CA5B: variants seen among roughly 807,000 people sequenced by gnomAD.
CA5B encodes the protein carbonic anhydrase 5B, also known as carbonic anhydrase 5B, mitochondrial.
A neutral mutation model predicts 23.1 loss-of-function variants in CA5B; 15 were observed. The observed-to-expected ratio is 0.65, with a 90% CI of 0.43 to 1.00. CA5B has a LOEUF of 1.00. CA5B is among the 50% of genes least tolerant of loss of function. The pLI, the probability that CA5B is intolerant of heterozygous loss-of-function variation, is 0.00. For missense variants in CA5B, 236 were observed against 252.2 expected, an observed-to-expected ratio of 0.94 and a Z score of 0.43; for synonymous variants, 84 against 98.5, an observed-to-expected ratio of 0.85 and a Z score of 0.87.
intron 2 of CA5B, among the ~76,000 whole-genome samples, chrX:15,763,585 G>A (rs1931647077): frequency 8.9e-6 from 1 of 111,931 alleles, no homozygotes; most frequent in Admixed American, 9.5e-5. Context: ...CTCTACTTTT[G>A]TGTATCCATT....
intron 3 of CA5B, among the ~76,000 whole-genome samples, chrX:15,769,275 G>C (rs1222866858): frequency 8.9e-6 from 1 of 111,888 alleles, no homozygotes; most frequent in East Asian, 2.8e-4. Context: ...TACCTACCTT[G>C]ATAGGATTAT....
intron 1 of CA5B, among the ~76,000 whole-genome samples, chrX:15,745,280 C>A (rs1931207815): frequency 9.0e-6 from 1 of 110,689 alleles, no homozygotes; most frequent in African/African-American, 3.3e-5. Flanking sequence ...ATCCCACTTA[C>A]GTGGGGTATC....
At chrX:15,758,032 A>G (rs1202922188) in intron 2 of CA5B, among the ~76,000 whole-genome samples, 1 of 111,613 alleles carries the variant, frequency 9.0e-6, no homozygotes, top group Non-Finnish European at 1.9e-5. Context: ...GAGGCTTTGT[A>G]TGAAGTCTGG....
intron 1 of CA5B, among the ~76,000 whole-genome samples, chrX:15,744,444 CT>C (rs1190049994): frequency 8.9e-6 from 1 of 112,452 alleles, no homozygotes; most frequent in African/African-American, 3.2e-5. Context: ...TTGGCCTTGT[CT>C]TATCACAAGC....
In CA5B at chrX:15,781,890, G is replaced by A. The variant is rs749251016; in HGVS notation, c.775-595G>A. ...GATCACACCACTGCATTCTAACCTG[G>A]GTGGGTGACAGAGTAAGACTTTGTC... On this transcript the variant is annotated intron_variant, in intron 7 of 7. Transcript: ENST00000318636. Among the ~76,000 whole-genome samples, 239 of 105,047 alleles carry A rather than the reference G, an allele frequency of 2.3e-3. 2 individuals are homozygous for A. The highest frequency in any genetic ancestry group is 7.9e-3 in the African/African-American group (227 of 28,659). 91.2% of individuals were successfully genotyped at this position (105,047 alleles called of 115,157 possible).
intron 2 of CA5B, among the ~76,000 whole-genome samples, chrX:15,754,109 A>G (rs1026878958): frequency 2.7e-5 from 3 of 111,409 alleles, no homozygotes; most frequent in African/African-American, 9.8e-5. Context: ...GAGGGTATAT[A>G]ATGAGGCATG....
At chrX:15,749,870 G>A in intron 1 of CA5B, 101 bp from the exon 2 acceptor site, 2 of 588,373 alleles carry the variant, frequency 3.4e-6, no homozygotes, top group Non-Finnish European at 5.3e-6. Context: ...CCACCTCAGG[G>A]TGTGTACTGC....
At chrX:15,738,628 A>T (rs747435150) in intron 1 of CA5B, among the ~76,000 whole-genome samples, 1 of 110,771 alleles carries the variant, frequency 9.0e-6, no homozygotes, top group South Asian at 3.9e-4. Flanking sequence ...ACAGGACGCG[A>T]TAACAGCTGT....
chrX:15,766,506 G>T (rs1244273967), intron 3 of CA5B, among the ~76,000 whole-genome samples: 1 of 111,818 alleles, frequency 8.9e-6, no homozygotes, highest in East Asian at 2.8e-4. Flanking sequence ...TTTTCCCCCA[G>T]ATTCATGGGC....
chrX:15,781,358 C>T (rs774088438), intron 7 of CA5B, among the ~76,000 whole-genome samples: 4 of 111,825 alleles, frequency 3.6e-5, no homozygotes, highest in South Asian at 3.7e-4. Flanking sequence ...GAGAACAAGC[C>T]GTTGATATTC....
chrX:15,750,312 G>A, intron 2 of CA5B, 147 bp downstream of exon 2: 1 of 462,612 alleles, frequency 2.2e-6, no homozygotes, highest in Non-Finnish European at 3.6e-6. Context: ...AATCACACAT[G>A]TTAAACATTT....
At chrX:15,739,195 T>G (rs1339519467) in intron 1 of CA5B, among the ~76,000 whole-genome samples, 2 of 112,115 alleles carry the variant, frequency 1.8e-5, no homozygotes, top group African/African-American at 6.5e-5. Context: ...TGAAAAGAAC[T>G]TGTTCTCTCC....
rs977711034 is a variant in CA5B, at chrX:15,774,268, G to A, written c.460-34G>A. On this transcript the variant is annotated intron_variant, in intron 4 of 7. Transcript: ENST00000318636. ...GTTTATTCTGGAGAGATTCTGTATA[G>A]TCACGTGTTAACCCTCTTTTCATGG... 7.6e-6 allele frequency: 9 copies of A among 1,180,499 alleles called. No individual in the cohort carries two copies. The Admixed American group carries it at 9.3e-5, about 12-fold the overall frequency.
intron 6 of CA5B, chrX:15,776,293 T>G (rs867859350): frequency 1.0e-5 from 1 of 95,427 alleles, no homozygotes; most frequent in Admixed American, 1.3e-4. Context: ...GAGCCGAGAT[T>G]GCACCACTGC....
chrX:15,776,847 C>T lies in CA5B; in HGVS notation c.752C>T (p.Pro251Leu). 8.3e-7 allele frequency: 1 copy of T among 1,209,558 alleles called. No individual in the cohort carries two copies. Among genetic ancestry groups the T allele is most frequent in the African/African-American group, 1.7e-5 (1 of 57,751 alleles). ...GTCACCTGGATCATTAAGAAGCAAC[C>T]AGTAGAGGTTGATCATGATCAGGTA... Reference protein sequence around the residue: ...ESVTWIIKKQPVEVDHDQLEQ... With the variant: ...ESVTWIIKKQLVEVDHDQLEQ... Residue 251 changes from proline to leucine, a missense_variant, in exon 7 of 8, where the codon CCA becomes CTA. Pro to Leu is a moderately conservative substitution (Grantham distance 98). Transcript: ENST00000318636.
intron 6 of CA5B, chrX:15,776,236 G>C (rs1482580898): frequency 1.8e-5 from 2 of 111,016 alleles, no homozygotes; most frequent in Admixed American, 1.0e-4. Flanking sequence ...CTACTTGGGA[G>C]GCTGAGGCAG....
intron 2 of CA5B, among the ~76,000 whole-genome samples, chrX:15,760,050 G>A (rs1219323536): frequency 1.8e-5 from 2 of 110,097 alleles, no homozygotes; most frequent in African/African-American, 3.3e-5. Context: ...CACCGCACCC[G>A]GCCAACACTT....
At position 15,776,975 on chromosome X, in the gene CA5B, A is replaced by G. The variant is rs756943699; in HGVS notation, c.774+106A>G. On this transcript the variant is annotated intron_variant, in intron 7 of 7. Transcript: ENST00000318636. ...AGTTTTAACATCTTGTAATGCTTAT[A>G]CATTTTTATTGAAGTGTACCAACGT... 2.8e-3 allele frequency: 1,801 copies of G among 646,158 alleles called. 1 individual carries two copies. The highest frequency in any genetic ancestry group is 3.9e-3 in the Non-Finnish European group (1,675 of 425,249). The allele number at this position is 646,158 out of a possible 1,213,427, so 53.3% of individuals were successfully genotyped here. A position where few individuals can be genotyped will look rare whatever the true frequency, so the allele number is the denominator to read the frequency against.
chrX:15,769,705 TTAA>T, intron 3 of CA5B: 2 of 428,320 alleles, frequency 4.7e-6, no homozygotes, highest in South Asian at 2.4e-4. Context: ...CACACACAGT[TTAA>T]TGATTTTTAA....
Sources: allele counts gnomAD v4.1 joint callset (sites outside exome capture counted in the v4.1 genomes callset), GRCh38; gene constraint gnomAD v4.1.1; transcripts MANE v1.5; gene names NCBI Gene and HGNC (gene_info 2026-07-23, HGNC 2026-07-21).